Variants in C13orf42 observed in about 807,000 individuals in gnomAD.
The protein encoded by C13orf42 is uncharacterized protein C13orf42.
upstream of C13orf42, among the ~76,000 whole-genome samples, chr13:51,114,911 A>G (rs765054255): frequency 6.6e-6 from 1 of 152,242 alleles, no homozygotes; most frequent in Non-Finnish European, 1.5e-5. Flanking sequence ...AGGGAGATGG[A>G]TAACCATGTG....
At chr13:51,108,395 A>T (rs1953385711) in intron 1 of C13orf42, among the ~76,000 whole-genome samples, 1 of 152,198 alleles carries the variant, frequency 6.6e-6, no homozygotes, top group East Asian at 1.9e-4. Context: ...GGGTAACGGC[A>T]TTCCAGGGCA....
At chr13:51,099,922 T>A (rs1953269863) in intron 1 of C13orf42, among the ~76,000 whole-genome samples, 1 of 152,274 alleles carries the variant, frequency 6.6e-6, no homozygotes, top group African/African-American at 2.4e-5. Context: ...GTTGCTCATA[T>A]ATATCAAACT....
chr13:51,117,552 G>A (rs547773816), intron 1 of C13orf42, among the ~76,000 whole-genome samples: 2 of 152,286 alleles, frequency 1.3e-5, no homozygotes, highest in Non-Finnish European at 2.9e-5. Context: ...CAGAAAAATT[G>A]AGTGTGAATT....
intron 1 of C13orf42, among the ~76,000 whole-genome samples, chr13:51,153,621 G>GTTTTTTGTTTT (rs1953799413): frequency 3.7e-5 from 3 of 82,034 alleles, no homozygotes. Flanking sequence ...CTTGCTTTCT[G>GTTTTTTGTTTT]TTTTTTTTCT....
chr13:51,114,643 GAT>G (rs751998402), upstream of C13orf42, among the ~76,000 whole-genome samples: 381 of 88,084 alleles, frequency 4.3e-3, 2 homozygotes, highest in African/African-American at 0.014. Flanking sequence ...TAGATAGATA[GAT>G]AGAGATAGAC....
intron 1 of C13orf42, among the ~76,000 whole-genome samples, chr13:51,166,449 G>T: frequency 9.1e-6 from 1 of 109,706 alleles, no homozygotes; most frequent in African/African-American, 3.3e-5. Context: ...GTGGTGGGGT[G>T]GGGGGAGGGG....
At chr13:51,124,868 T>C (rs1430570779) in intron 1 of C13orf42, among the ~76,000 whole-genome samples, 1 of 152,210 alleles carries the variant, frequency 6.6e-6, no homozygotes, top group African/African-American at 2.4e-5. Flanking sequence ...CCCTAATTCT[T>C]AAATTAAACC....
chr13:51,088,848 G>A (rs573286213), intron 1 of C13orf42, among the ~76,000 whole-genome samples: 198 of 152,260 alleles, frequency 1.3e-3, no homozygotes, highest in Non-Finnish European at 2.1e-3. Flanking sequence ...AGTAGCTTAC[G>A]AGGTTCCGGG....
At chr13:51,097,952 A>G (rs1953252483) in intron 1 of C13orf42, among the ~76,000 whole-genome samples, 1 of 151,976 alleles carries the variant, frequency 6.6e-6, no homozygotes, top group African/African-American at 2.4e-5. Flanking sequence ...TGCCTTTCAC[A>G]TTTAACCCTC....
At chr13:51,149,612 G>A (rs1277420475) in intron 1 of C13orf42, among the ~76,000 whole-genome samples, 1 of 152,108 alleles carries the variant, frequency 6.6e-6, no homozygotes, top group Non-Finnish European at 1.5e-5. Flanking sequence ...GGTTCTCATT[G>A]ATCCACTCCA....
chr13:51,157,098 C>T (rs1461880308), intron 1 of C13orf42, among the ~76,000 whole-genome samples: 3 of 152,216 alleles, frequency 2.0e-5, no homozygotes, highest in Non-Finnish European at 4.4e-5. Flanking sequence ...AGGCCTAGAA[C>T]ACTTCCAGCA....
intron 1 of C13orf42, among the ~76,000 whole-genome samples, chr13:51,096,443 A>C (rs143119211): frequency 1.3e-3 from 193 of 152,344 alleles, no homozygotes; most frequent in African/African-American, 4.4e-3. Context: ...AGAAACTGAC[A>C]GTCTCTCTAA....
intron 2 of C13orf42, among the ~76,000 whole-genome samples, chr13:51,086,747 C>A (rs1456231572): frequency 1.3e-5 from 2 of 152,068 alleles, no homozygotes; most frequent in Non-Finnish European, 2.9e-5. Context: ...CCCTTGCATC[C>A]TTAGTGGATT....
At position 51,111,137 on chromosome 13, in the gene C13orf42, C is replaced by T. The variant is rs1049563003; in HGVS notation, c.73G>A (p.Glu25Lys). 5 of 398,500 alleles carry T rather than the reference C, an allele frequency of 1.3e-5. No homozygotes were observed. Among genetic ancestry groups the T allele is most frequent in the African/African-American group, 2.1e-5 (1 of 48,636 alleles). 24.7% of individuals were successfully genotyped at this position (398,500 alleles called of 1,614,324 possible). A position where few individuals can be genotyped will look rare whatever the true frequency, so the allele number is the denominator to read the frequency against. ...RKTAAESPFY[E>K]GASPAVKLIR... ...AGCTTCACTGCGGGGCTGGCTCCTT[C>T]GTAGAAGGGGCTCTCGGCCGCCGTC... Residue 25 changes from glutamate (E) to lysine (K), a missense_variant, in exon 1 of 4, where the codon GAA (glutamate) becomes AAA (lysine). By Grantham distance (56) the Glu-to-Lys change is moderately conservative. Transcript: ENST00000563710.
chr13:51,159,556 C>G (rs9568536), intron 1 of C13orf42, among the ~76,000 whole-genome samples: 24,898 of 152,154 alleles, frequency 0.16, 2,614 homozygotes, highest in East Asian at 0.49. Context: ...AACAATCTCT[C>G]TCTTTGGGCT....
rs146098762 is a variant in C13orf42 at position 51,101,968 on chromosome 13, A to G, written c.414+8828T>C. On this transcript the variant is annotated intron_variant, in intron 1 of 3. Coordinates refer to ENST00000563710, the MANE Select transcript of C13orf42 (RefSeq NM_001351589.3). Reference sequence around the variant, plus strand: ...AGAGCAAACAGCTTGTGCTCAGAGGATAGATTAGGAATATAATTACACATC... The same window carrying G: ...AGAGCAAACAGCTTGTGCTCAGAGGGTAGATTAGGAATATAATTACACATC... Among the ~76,000 whole-genome samples the G allele has an allele frequency of 3.1e-3, 469 of 152,320 alleles. 2 individuals are homozygous for G. Among genetic ancestry groups the G allele is most frequent in the African/African-American group, 0.01 (428 of 41,566 alleles).
intron 2 of C13orf42, among the ~76,000 whole-genome samples, chr13:51,087,537 A>T (rs1297262764): frequency 1.3e-5 from 2 of 152,164 alleles, no homozygotes; most frequent in East Asian, 3.8e-4. Flanking sequence ...CAAAAAACTG[A>T]AAGTGTACCC....
At chr13:51,146,349 T>A (rs1202897661) in intron 1 of C13orf42, among the ~76,000 whole-genome samples, 1 of 152,192 alleles carries the variant, frequency 6.6e-6, no homozygotes, top group East Asian at 1.9e-4. Context: ...ACGGTCCATG[T>A]GGAACAAAAC....
At chr13:51,155,648 G>A (rs973084255) in intron 1 of C13orf42, among the ~76,000 whole-genome samples, 7 of 152,154 alleles carry the variant, frequency 4.6e-5, no homozygotes, top group Admixed American at 2.0e-4. Flanking sequence ...TCTCACACTC[G>A]CTGCACACTT....
Sources: gnomAD v4.1 joint callset for allele counts (sites outside exome capture counted in the v4.1 genomes callset) on GRCh38, gnomAD v4.1.1 for gene constraint, MANE v1.5 for transcripts, NCBI Gene and HGNC (gene_info 2026-07-23, HGNC 2026-07-21) for gene names.